The following AWAT1 variants were observed in gnomAD, a reference collection of about 807,000 sequenced individuals.
AWAT1 encodes the protein acyl-CoA wax alcohol acyltransferase 1.
AWAT1 carries 26 observed loss-of-function variants against 21.6 expected under a neutral mutation model. The ratio of observed to expected loss-of-function variants is 1.20; its 90% CI spans 0.88 to 1.67. The LOEUF (loss-of-function observed/expected upper bound fraction) is 1.67, where lower values mean the gene tolerates loss of function less well. Among genes scored for constraint, AWAT1 ranks in the 40% most tolerant of loss-of-function variants. The pLI, the probability that AWAT1 is intolerant of heterozygous loss-of-function variation, is 0.00. For missense variants in AWAT1, 264 were observed against 249.4 expected (o/e 1.06, Z -0.39); for synonymous variants, 102 against 99.3 (o/e 1.03, Z -0.16).
At chrX:70,238,471 T>C in intron 5 of AWAT1, 88 bp downstream of exon 5, 1 of 980,441 alleles carries the variant, frequency 1.0e-6, no homozygotes, top group Non-Finnish European at 1.3e-6. Flanking sequence ...AGATGTGAAT[T>C]TTGCCCTCAA....
rs61995694 is a variant in AWAT1 at position 70,235,821 on chromosome X, G to A, written c.182G>A (p.Arg61Gln). ...TTCCTGGACTGGAAGACCCCAGAGC[G>A]AGGTAAGACTCACAGACCTAGAAAG... Reference protein sequence around the residue: ...WLFLDWKTPERGGRRSAWVRN... With the variant: ...WLFLDWKTPEQGGRRSAWVRN... The change falls in exon 2 of 7, where the codon CGA becomes CAA. Residue 61 changes from arginine to glutamine, a missense_variant and splice_region_variant. Physicochemically the swap from Arg to Gln is conservative, Grantham distance 43. Coordinates refer to ENST00000374521, the MANE Select transcript of AWAT1 (RefSeq NM_001013579.3). 6,585 of 1,189,594 alleles carry A rather than the reference G, an allele frequency of 5.5e-3. 218 individuals carry two copies. The African/African-American group carries it at 0.098, about 18-fold the overall frequency.
Position 70,240,227 on chromosome X carries a change from A to G in AWAT1, c.924A>G (p.Lys308=). Residue 308 remains lysine (K), a synonymous_variant, in exon 7 of 7, where the codon AAA becomes AAG. Transcript: ENST00000374521. ...CACTTTATATGGATGCTCTGCACAA[A>G]CTGTTCGACCAGCATAAGACCCACT... The part of the protein sequence containing the change: ...YHALYMDALH[K]LFDQHKTHYG... 1 of 1,211,350 alleles carries G rather than the reference A, an allele frequency of 8.3e-7. No homozygotes were observed. Among genetic ancestry groups the G allele is most frequent in the Non-Finnish European group, 1.1e-6 (1 of 895,184 alleles).
chrX:70,240,182 G>T lies in AWAT1; in HGVS notation c.879G>T (p.Glu293Asp), dbSNP rs199722389. The stretch of plus-strand genomic sequence containing the variant: ...CCCAAATTGAAAAGCCAAGCCAGGA[G>T]ATGGTGGACAAATACCATGCACTTT... The part of the protein sequence containing the change: ...PLPQIEKPSQ[E>D]MVDKYHALYM... The change falls in exon 7 of 7, where the codon GAG becomes GAT. Residue 293 changes from glutamate to aspartate, a missense_variant. Transcript: ENST00000374521. 1.5e-5 allele frequency: 18 copies of T among 1,209,883 alleles called. No homozygotes were observed. In the South Asian group the frequency reaches 2.8e-4, roughly 19 times the overall value.
intron 1 of AWAT1, among the ~76,000 whole-genome samples, chrX:70,235,319 G>A (rs1208257904): frequency 9.1e-6 from 1 of 110,480 alleles, no homozygotes; most frequent in East Asian, 2.8e-4. Flanking sequence ...CGTGTAGGAA[G>A]ATATAGATAG....
chrX:70,236,063 C>A lies in AWAT1; in HGVS notation c.185-6C>A. ...ACATCATCCCCTACTTCTTCTTTTG[C>A]CTCAGGTGGCAGGCGTTCGGCCTGG... On this transcript the variant is annotated splice_polypyrimidine_tract_variant and splice_region_variant and intron_variant, in intron 2 of 6. Coordinates refer to ENST00000374521, the MANE Select transcript of AWAT1 (RefSeq NM_001013579.3). The A allele has an allele frequency of 8.3e-7, 1 of 1,206,691 alleles. No homozygotes were observed. The highest frequency in any genetic ancestry group is 1.8e-5 in the South Asian group (1 of 56,849).
At chrX:70,235,559 A>C (rs2085510639) in intron 1 of AWAT1, among the ~76,000 whole-genome samples, 157 bp from the exon 2 acceptor site, 1 of 110,643 alleles carries the variant, frequency 9.0e-6, no homozygotes, top group Non-Finnish European at 1.9e-5. Context: ...ATAGAGGAAA[A>C]GTTTGAAGGA....
Position 70,236,147 on chromosome X carries a change from T to G in AWAT1, c.255+8T>G, listed in dbSNP as rs756086018. On this transcript the variant is annotated splice_region_variant and intron_variant, in intron 3 of 6. Transcript: ENST00000374521. Reference sequence around the variant, plus strand: ...GACTATTTCCCCATTACGGTAAGTATCTCTTCCCCAGTGTCCTCAGAGTTC... The same window carrying G: ...GACTATTTCCCCATTACGGTAAGTAGCTCTTCCCCAGTGTCCTCAGAGTTC... 5.8e-6 allele frequency: 7 copies of G among 1,197,868 alleles called. No individual in the cohort carries two copies. The highest frequency in any genetic ancestry group is 6.8e-6 in the Non-Finnish European group (6 of 882,781).
intron 2 of AWAT1, 68 bp from the exon 3 acceptor site, chrX:70,236,001 C>G (rs2085513011): frequency 9.9e-7 from 1 of 1,012,831 alleles, no homozygotes; most frequent in Non-Finnish European, 1.4e-6. Flanking sequence ...GCTAGGGAAT[C>G]CCTGAGTCCG....
chrX:70,234,878 T>C lies in AWAT1; in HGVS notation c.76+107T>C, dbSNP rs946482108. 1.3e-5 allele frequency: 9 copies of C among 686,458 alleles called. No individual in the cohort carries two copies. In the African/African-American group the frequency reaches 1.9e-4, roughly 15 times the overall value. 56.6% of individuals were successfully genotyped at this position (686,458 alleles called of 1,213,427 possible). Reference sequence around the variant, plus strand: ...TGAAGTCTCATTTTGAGCCTTTCCATCATCTAAGATTGTACTAGAGAGTAA... The same window carrying C: ...TGAAGTCTCATTTTGAGCCTTTCCACCATCTAAGATTGTACTAGAGAGTAA... On this transcript the variant is annotated intron_variant, in intron 1 of 6. Coordinates refer to ENST00000374521, the MANE Select transcript of AWAT1 (RefSeq NM_001013579.3).
chrX:70,240,323 T>A lies in AWAT1; in HGVS notation c.*33T>A, dbSNP rs780113871. Reference sequence around the variant, plus strand: ...TACTGCATGCCCAGGAGCACAGGAGTGCCTGCCTTGAAGAAGAGACTCATC... The same window carrying A: ...TACTGCATGCCCAGGAGCACAGGAGAGCCTGCCTTGAAGAAGAGACTCATC... On this transcript the variant is annotated 3_prime_UTR_variant, in exon 7 of 7. Transcript: ENST00000374521. 1.7e-6 allele frequency: 2 copies of A among 1,187,462 alleles called. No individual in the cohort carries two copies. The highest frequency in any genetic ancestry group is 4.5e-5 in the Admixed American group (2 of 44,241).
In AWAT1 at chrX:70,236,078, G is replaced by A. The variant is rs773913085; in HGVS notation, c.194G>A (p.Arg65His). 4.0e-5 allele frequency: 48 copies of A among 1,208,113 alleles called. No homozygotes were observed. Among genetic ancestry groups the A allele is most frequent in the Non-Finnish European group, 5.0e-5 (45 of 893,670 alleles). Residue 65 changes from arginine (R) to histidine (H), a missense_variant, in exon 3 of 7, where the codon CGT (arginine) becomes CAT (histidine). Arg to His is a conservative substitution (Grantham distance 29). Transcript: ENST00000374521. ...DWKTPERGGR[R>H]SAWVRNWCVW... ...TCTTCTTTTGCCTCAGGTGGCAGGC[G>A]TTCGGCCTGGGTAAGGAACTGGTGT...
intron 5 of AWAT1, 70 bp downstream of exon 5, chrX:70,238,453 GATGA>G: frequency 9.8e-7 from 1 of 1,015,236 alleles, no homozygotes; most frequent in Non-Finnish European, 1.3e-6. Flanking sequence ...GTGAGGCCAG[GATGA>G]ATCAGATGTG....
In AWAT1 at chrX:70,238,309, G is replaced by A; in HGVS notation, c.558G>A (p.Leu186=). ...TAGTGGGAGGTGTGGGTGAGGCCCT[G>A]CAAAGTGTGCCCAACACCACCACCC... ...GIVVGGVGEA[L]QSVPNTTTLI... The change falls in exon 5 of 7, where the codon CTG becomes CTA. Residue 186 remains leucine, a synonymous_variant. Coordinates refer to ENST00000374521, the MANE Select transcript of AWAT1 (RefSeq NM_001013579.3). 2 of 1,210,621 alleles carry A rather than the reference G, an allele frequency of 1.7e-6. No homozygotes were observed. The highest frequency in any genetic ancestry group is 1.1e-6 in the Non-Finnish European group (1 of 894,572).
At chrX:70,235,375 G>T (rs999457258) in intron 1 of AWAT1, among the ~76,000 whole-genome samples, 1 of 110,367 alleles carries the variant, frequency 9.1e-6, no homozygotes, top group Non-Finnish European at 1.9e-5. Flanking sequence ...GAGGGATGAC[G>T]GATAGGGAGG....
At chrX:70,236,805 A>G (rs1396627614) in intron 3 of AWAT1, among the ~76,000 whole-genome samples, 1 of 111,890 alleles carries the variant, frequency 8.9e-6, no homozygotes, top group African/African-American at 3.3e-5. Flanking sequence ...ACACTGACAT[A>G]GATGGCTGAG....
chrX:70,238,724 G>A (rs766513884), intron 5 of AWAT1, among the ~76,000 whole-genome samples: 5 of 112,300 alleles, frequency 4.5e-5, no homozygotes, highest in African/African-American at 9.7e-5. Context: ...GGAGTCAGGA[G>A]CCTGATTTAA....
rs1405251443 is a variant in AWAT1 at position 70,237,145 on chromosome X, G to A, written c.357G>A (p.Glu119=). Residue 119 remains glutamate, a synonymous_variant, in exon 4 of 7, where the codon GAG becomes GAA. Coordinates refer to ENST00000374521, the MANE Select transcript of AWAT1 (RefSeq NM_001013579.3). ...TFGAFCNFCT[E]ATGFSKTFPG... Reference sequence around the variant, plus strand: ...GCGCCTTCTGCAACTTCTGCACTGAGGCCACAGGCTTCTCGAAGACCTTCC... The same window carrying A: ...GCGCCTTCTGCAACTTCTGCACTGAAGCCACAGGCTTCTCGAAGACCTTCC... 1 of 1,205,556 alleles carries A rather than the reference G, an allele frequency of 8.3e-7. No individual in the cohort carries two copies. The highest frequency in any genetic ancestry group is 1.1e-6 in the Non-Finnish European group (1 of 893,083).
intron 5 of AWAT1, among the ~76,000 whole-genome samples, chrX:70,238,636 C>G (rs1028661901): frequency 2.7e-5 from 3 of 112,450 alleles, no homozygotes; most frequent in Non-Finnish European, 1.9e-5. Context: ...TTATCTCTAT[C>G]AATGCTGGTA....
intron 4 of AWAT1, 76 bp from the exon 5 acceptor site, chrX:70,238,136 G>A: frequency 2.0e-6 from 2 of 1,017,328 alleles, no homozygotes; most frequent in Admixed American, 2.4e-5. Context: ...GAACAAGCCA[G>A]TGAAGAGCAG....
Sources: gnomAD v4.1 joint callset for allele counts (sites outside exome capture counted in the v4.1 genomes callset) on GRCh38, gnomAD v4.1.1 for gene constraint, MANE v1.5 for transcripts, NCBI Gene and HGNC (gene_info 2026-07-23, HGNC 2026-07-21) for gene names.